RPSA2: variants seen among roughly 807,000 people sequenced by gnomAD.
RPSA2 encodes small ribosomal subunit protein uS2B.
the RPSA2 span, among the ~76,000 whole-genome samples, chr19:23,834,025 G>A: frequency 6.6e-6 from 1 of 151,970 alleles, no homozygotes; most frequent in Non-Finnish European, 1.5e-5. Flanking sequence ...ATTTTTGCAG[G>A]TGCAGTAAAG....
chr19:23,842,413 A>T, the RPSA2 span: 10 of 152,222 alleles, frequency 6.6e-5, no homozygotes, highest in Non-Finnish European at 1.3e-4. Flanking sequence ...TTTCTCTGTT[A>T]AGCAATATTT....
the RPSA2 span, among the ~76,000 whole-genome samples, chr19:23,855,462 C>T: frequency 6.6e-6 from 1 of 152,188 alleles, no homozygotes; most frequent in African/African-American, 2.4e-5. Flanking sequence ...TACTGATGCA[C>T]TTGTATCCGA....
chr19:23,868,626 A>T, the RPSA2 span, among the ~76,000 whole-genome samples: 1 of 152,244 alleles, frequency 6.6e-6, no homozygotes, highest in East Asian at 1.9e-4. Context: ...GCAGAAAGAC[A>T]TTGGCAAGTG....
the RPSA2 span, among the ~76,000 whole-genome samples, chr19:23,846,558 GTAGT>G: frequency 9.2e-5 from 14 of 152,058 alleles, no homozygotes; most frequent in African/African-American, 3.4e-4. Flanking sequence ...CAGTCTATTG[GTAGT>G]TAGTTTCCCC....
At chr19:23,803,430 A>G in the RPSA2 span, among the ~76,000 whole-genome samples, 4 of 152,176 alleles carry the variant, frequency 2.6e-5, no homozygotes, top group African/African-American at 7.2e-5. Context: ...TTGTTTGCAG[A>G]GACATTACAT....
At chr19:23,809,942 A>G in the RPSA2 span, among the ~76,000 whole-genome samples, 1 of 151,376 alleles carries the variant, frequency 6.6e-6, no homozygotes, top group African/African-American at 2.4e-5. Flanking sequence ...CACCTCTTCA[A>G]GATTTTATAA....
the RPSA2 span, among the ~76,000 whole-genome samples, chr19:23,785,922 G>A: frequency 2.0e-5 from 3 of 152,090 alleles, no homozygotes; most frequent in Non-Finnish European, 4.4e-5. Context: ...CATCTCTTGT[G>A]GTACAGTGAG....
chr19:23,788,441 A>T, the RPSA2 span, among the ~76,000 whole-genome samples: 1 of 152,042 alleles, frequency 6.6e-6, no homozygotes, highest in Non-Finnish European at 1.5e-5. Flanking sequence ...AGGGATTGTG[A>T]TGTATCACTT....
the RPSA2 span, among the ~76,000 whole-genome samples, chr19:23,858,105 A>AATATAT: frequency 4.7e-5 from 7 of 149,778 alleles, no homozygotes; most frequent in African/African-American, 1.2e-4. Context: ...AGTATAAGCA[A>AATATAT]ATATATATAT....
chr19:23,770,124 CAT>C, the RPSA2 span, among the ~76,000 whole-genome samples: 1 of 151,970 alleles, frequency 6.6e-6, no homozygotes, highest in African/African-American at 2.4e-5. Flanking sequence ...AGCATTTTGA[CAT>C]ATTTTTGGGC....
chr19:23,861,590 C>A, the RPSA2 span, among the ~76,000 whole-genome samples: 1 of 152,234 alleles, frequency 6.6e-6, no homozygotes, highest in African/African-American at 2.4e-5. Flanking sequence ...AGTCTACCAG[C>A]GTTCTGCTTT....
At chr19:23,797,891 G>T in the RPSA2 span, among the ~76,000 whole-genome samples, 2 of 152,030 alleles carry the variant, frequency 1.3e-5, no homozygotes, top group Admixed American at 1.3e-4. Context: ...TGTTGTAAAA[G>T]AAAATATAAA....
chr19:23,766,051 G>C, the RPSA2 span, among the ~76,000 whole-genome samples: 1 of 151,686 alleles, frequency 6.6e-6, no homozygotes, highest in Non-Finnish European at 1.5e-5. Flanking sequence ...GGAATATCAA[G>C]GAGGGCTTTA....
At chr19:23,832,295 G>T in the RPSA2 span, 13 of 446,552 alleles carry the variant, frequency 2.9e-5, no homozygotes, top group Admixed American at 3.5e-4. Flanking sequence ...CATACTAGAG[G>T]GAAACATTAC....
the RPSA2 span, among the ~76,000 whole-genome samples, chr19:23,869,355 C>T: frequency 2.0e-5 from 3 of 152,174 alleles, no homozygotes; most frequent in Non-Finnish European, 4.4e-5. Context: ...AAGTTATGTA[C>T]TTAATAGTTC....
the RPSA2 span, among the ~76,000 whole-genome samples, chr19:23,759,888 G>T: frequency 3.3e-5 from 5 of 152,122 alleles, no homozygotes; most frequent in East Asian, 9.6e-4. Context: ...TGAGGAGAAA[G>T]TGGGAGCCTA....
the RPSA2 span, among the ~76,000 whole-genome samples, chr19:23,801,006 G>C: frequency 6.6e-6 from 1 of 152,126 alleles, no homozygotes; most frequent in East Asian, 1.9e-4. Context: ...CAGAGACCAT[G>C]GAGCCCAGAA....
chr19:23,826,288 G>C, the RPSA2 span, among the ~76,000 whole-genome samples: 1 of 151,614 alleles, frequency 6.6e-6, no homozygotes, highest in Non-Finnish European at 1.5e-5. Context: ...CACCTCCCGG[G>C]TTCAAGCAAT....
chr19:23,828,833 CAA>C, the RPSA2 span, among the ~76,000 whole-genome samples: 1 of 151,632 alleles, frequency 6.6e-6, no homozygotes, highest in African/African-American at 2.4e-5. Context: ...AGTTTTATTA[CAA>C]AAAGTGTGGT....
Sources: allele counts gnomAD v4.1 joint callset (sites outside exome capture counted in the v4.1 genomes callset), GRCh38; gene constraint gnomAD v4.1.1; transcripts MANE v1.5; gene names NCBI Gene and HGNC (gene_info 2026-07-23, HGNC 2026-07-21).